The following NBPF15 variants were observed in gnomAD, a reference collection of about 807,000 sequenced individuals.
The protein encoded by NBPF15 is NBPF member 15.
In NBPF15, 74 loss-of-function variants were observed where a neutral mutation model predicts 62.2. The ratio of observed to expected loss-of-function variants is 1.19; its 90% CI spans 0.99 to 1.44. NBPF15 has a LOEUF of 1.44. Ranked by LOEUF, NBPF15 falls within the 40% of genes most tolerant of loss-of-function variation. The pLI, the probability that NBPF15 is intolerant of heterozygous loss-of-function variation, is 0.00. For synonymous variants in NBPF15, 244 were observed against 209.7 expected (o/e 1.16, Z -1.41); for missense variants, 790 against 550.0 (o/e 1.44, Z -4.36).
chr1:144,428,138 G>T (rs1282614512), intron 15 of NBPF15, 148 bp from the exon 16 acceptor site: 5 of 675,226 alleles, frequency 7.4e-6, no homozygotes, highest in Admixed American at 4.5e-5. Context: ...CCTTTATGTT[G>T]GGATAGACTA....
rs1157507489 is a variant in NBPF15 at position 144,445,351 on chromosome 1, A to T, written c.-191+3424T>A. Among the ~76,000 whole-genome samples, 12 of 116,028 alleles carry T rather than the reference A, an allele frequency of 1.0e-4. 1 individual carries two copies. In the South Asian group the frequency reaches 2.2e-3, roughly 22 times the overall value. 76.1% of individuals were successfully genotyped at this position (116,028 alleles called of 152,430 possible). A position where few individuals can be genotyped will look rare whatever the true frequency, so the allele number is the denominator to read the frequency against. The stretch of plus-strand genomic sequence containing the variant: ...ACGGTGAATATATATATATATATAT[A>T]TATACACACACACACACACACACAC... On this transcript the variant is annotated intron_variant, in intron 6 of 21. Transcript: ENST00000581897.
chr1:144,431,296 A>C (rs1239437311), intron 13 of NBPF15, among the ~76,000 whole-genome samples: 5 of 150,704 alleles, frequency 3.3e-5, no homozygotes, highest in African/African-American at 9.9e-5. Flanking sequence ...GTTGAAATGA[A>C]GGAAAAAATG....
At chr1:144,444,301 C>G (rs1164280674) in intron 6 of NBPF15, among the ~76,000 whole-genome samples, 8 of 148,604 alleles carry the variant, frequency 5.4e-5, no homozygotes, top group Admixed American at 4.0e-4. Flanking sequence ...TGCCCTTATA[C>G]AAAGGCTGGA....
At chr1:144,455,576 G>A (rs587700358) in intron 4 of NBPF15, among the ~76,000 whole-genome samples, 25 of 152,052 alleles carry the variant, frequency 1.6e-4, no homozygotes, top group African/African-American at 3.4e-4. Flanking sequence ...ACACCAGGCC[G>A]CAACCTTCCC....
intron 21 of NBPF15, 103 bp from the exon 22 acceptor site, chr1:144,423,359 A>T: frequency 6.2e-7 from 1 of 1,604,200 alleles, no homozygotes; most frequent in South Asian, 1.1e-5. Flanking sequence ...AGAAAAGAAA[A>T]AGGATAGATT....
rs1174834937 is a variant in NBPF15 at position 144,439,964 on chromosome 1, C to T, written c.40G>A (p.Glu14Lys). ...TCATTGATTTCTAGAATGTTCATCT[C>T]TGCCTTCTCGCTGGACAAAGGGCCG... is the stretch of plus-strand genomic sequence containing the variant. ...SAGPLSSEKA[E>K]MNILEINEKL... is the part of the protein sequence containing the mutation. The change falls in exon 8 of 22, where the codon GAG (glutamate) becomes AAG (lysine). Residue 14 changes from glutamate (E) to lysine (K), a missense_variant. Glu to Lys is a moderately conservative substitution (Grantham distance 56, BLOSUM62 1). Transcript: ENST00000581897. 5.0e-6 allele frequency: 8 copies of T among 1,610,640 alleles called. No individual in the cohort carries two copies. The highest frequency in any genetic ancestry group is 5.9e-6 in the Non-Finnish European group (7 of 1,178,568).
At chr1:144,440,349 C>A in intron 6 of NBPF15, 54 bp from the exon 7 acceptor site, 1 of 1,034,708 alleles carries the variant, frequency 9.7e-7, no homozygotes, top group Non-Finnish European at 1.4e-6. Flanking sequence ...ATCTTAGGAG[C>A]CCTGCATTCC....
At chr1:144,451,164 A>T (rs1367850243) in intron 4 of NBPF15, among the ~76,000 whole-genome samples, 1 of 151,640 alleles carries the variant, frequency 6.6e-6, no homozygotes, top group Non-Finnish European at 1.5e-5. Context: ...ACGTGAACAA[A>T]TGTCTCTGCA....
At chr1:144,440,799 C>T (rs1682326940) in intron 6 of NBPF15, among the ~76,000 whole-genome samples, 1 of 150,658 alleles carries the variant, frequency 6.6e-6, no homozygotes. Context: ...AATACAGGCG[C>T]CCGCCACCAC....
chr1:144,451,197 A>T (rs1239117450), intron 4 of NBPF15, among the ~76,000 whole-genome samples: 1 of 151,748 alleles, frequency 6.6e-6, no homozygotes, highest in Non-Finnish European at 1.5e-5. Flanking sequence ...TAAAGAAAAA[A>T]GTGCTGTGCT....
At chr1:144,456,900 C>A in intron 3 of NBPF15, 95 bp from the exon 4 acceptor site, 1 of 159,060 alleles carries the variant, frequency 6.3e-6, no homozygotes, top group Admixed American at 6.6e-5. Context: ...ACTGGGAAGA[C>A]CCAGGGAGGA....
At chr1:144,438,393 G>A (rs1360961606) in intron 8 of NBPF15, among the ~76,000 whole-genome samples, 8 of 151,988 alleles carry the variant, frequency 5.3e-5, no homozygotes, top group Non-Finnish European at 8.8e-5. Context: ...CACTGCACTG[G>A]GGCATGAAGT....
chr1:144,456,491 A>T (rs1226398948), intron 4 of NBPF15, 46 bp downstream of exon 4: 1 of 1,174,944 alleles, frequency 8.5e-7, no homozygotes, highest in African/African-American at 1.6e-5. Flanking sequence ...TAATAGAAAA[A>T]GGACTCTCTG....
In NBPF15 at chr1:144,423,260, G is replaced by A; in HGVS notation, c.1770-4C>T. On this transcript the variant is annotated splice_region_variant and splice_polypyrimidine_tract_variant and intron_variant, in intron 21 of 21. Coordinates refer to ENST00000581897, the MANE Select transcript of NBPF15 (RefSeq NM_001385408.1). Reference sequence around the variant, plus strand: ...TTCCATCAGCACGCCGTAGAGCCTGGAAAAGGAGACAAAACTAAAGAAGCA... The same window carrying A: ...TTCCATCAGCACGCCGTAGAGCCTGAAAAAGGAGACAAAACTAAAGAAGCA... 4 of 1,611,362 alleles carry A rather than the reference G, an allele frequency of 2.5e-6. No homozygotes were observed. Among genetic ancestry groups the A allele is most frequent in the Non-Finnish European group, 3.4e-6 (4 of 1,179,576 alleles).
rs782810871 is a variant in NBPF15, at chr1:144,426,363, A to C, written c.1353T>G (p.Leu451=). The change falls in exon 18 of 22, where the codon CTT becomes CTG. Residue 451 remains leucine (L), a synonymous_variant. Coordinates refer to ENST00000581897, the MANE Select transcript of NBPF15 (RefSeq NM_001385408.1). ...AGGGCTGGCCTAAGTCAGGCAGTTC[A>C]AGATAATCTGAAGGAGTCGAATAAC... is the stretch of plus-strand genomic sequence containing the variant. ...DRCYSTPSDY[L]ELPDLGQPYS... is the part of the protein sequence containing the mutation. 3 of 880,788 alleles carry C rather than the reference A, an allele frequency of 3.4e-6. No homozygotes were observed. The highest frequency in any genetic ancestry group is 5.8e-6 in the Non-Finnish European group (3 of 513,284). The allele number at this position is 880,788 out of a possible 1,614,324, so 54.6% of individuals were successfully genotyped here.
rs1681527476 is a variant in NBPF15 at position 144,439,861 on chromosome 1, G to A, written c.143C>T (p.Ala48Val). The A allele has an allele frequency of 5.6e-6, 9 of 1,609,302 alleles. No individual in the cohort carries two copies. The South Asian group carries it at 7.7e-5, about 14-fold the overall frequency. Residue 48 changes from alanine to valine, a missense_variant, in exon 8 of 22, where the codon GCC (alanine) becomes GTC (valine). Coordinates refer to ENST00000581897, the MANE Select transcript of NBPF15 (RefSeq NM_001385408.1). The stretch of plus-strand genomic sequence containing the variant: ...CTTCTGTCGGTTGGCCAGGAAGCCG[G>A]CCAGTTGAGTTAGAAAACATTTCTC... ...LKEKCFLTQL[A>V]GFLANRQKKY...
At position 144,457,814 on chromosome 1, in the gene NBPF15, C is replaced by T. The variant is rs374400047; in HGVS notation, c.-700-1009G>A. ...AAATTATTAAAACTAAAATGGCCAG[C>T]GGTGATGGCTTATGCCTGTAATCCC... On this transcript the variant is annotated intron_variant, in intron 3 of 21. Transcript: ENST00000581897. 3.4e-4 allele frequency among the ~76,000 whole-genome samples: 51 copies of T among 152,046 alleles called. No individual in the cohort carries two copies. In the South Asian group the frequency reaches 5.0e-3, roughly 15 times the overall value.
chr1:144,455,103 G>T (rs1471385682), intron 4 of NBPF15, among the ~76,000 whole-genome samples: 1 of 147,934 alleles, frequency 6.8e-6, no homozygotes, highest in African/African-American at 2.5e-5. Flanking sequence ...AAGGAAGGAA[G>T]GAAGGAAGGA....
chr1:144,428,724 C>T (rs1571114157), intron 14 of NBPF15, 67 bp from the exon 15 acceptor site: 3 of 718,296 alleles, frequency 4.2e-6, no homozygotes, highest in Non-Finnish European at 7.6e-6. Flanking sequence ...AAACATTCCT[C>T]TGTCCAATCC....
Sources: allele counts gnomAD v4.1 joint callset (sites outside exome capture counted in the v4.1 genomes callset), GRCh38; gene constraint gnomAD v4.1.1; transcripts MANE v1.5; gene names NCBI Gene and HGNC (gene_info 2026-07-23, HGNC 2026-07-21).